The following CSGALNACT1 variants were observed in gnomAD, a reference collection of about 807,000 sequenced individuals.
CSGALNACT1 encodes the protein beta4GalNAcT-1.
A neutral mutation model predicts 51.0 loss-of-function variants in CSGALNACT1; 52 were observed. The observed-to-expected ratio is 1.02, with a 90% CI of 0.82 to 1.29. CSGALNACT1 has a LOEUF of 1.29. Ranked by LOEUF, CSGALNACT1 falls within the 50% of genes most tolerant of loss-of-function variation. CSGALNACT1 has a pLI of 0.00. For missense variants in CSGALNACT1, 935 were observed against 679.2 expected, an observed-to-expected ratio of 1.38 and a Z score of -4.19; for synonymous variants, 341 against 254.4, an observed-to-expected ratio of 1.34 and a Z score of -3.24.
At chr8:19,433,801 C>T (rs954924759) in intron 6 of CSGALNACT1, among the ~76,000 whole-genome samples, 2 of 152,210 alleles carry the variant, frequency 1.3e-5, no homozygotes, top group Admixed American at 1.3e-4. Context: ...TTTAGCTCTT[C>T]AGGTATCATT....
intron 1 of CSGALNACT1, among the ~76,000 whole-genome samples, chr8:19,715,770 A>G (rs2062771616): frequency 6.6e-6 from 1 of 151,738 alleles, no homozygotes; most frequent in Non-Finnish European, 1.5e-5. Context: ...TAAGGGTTTG[A>G]GTTGATCTAA....
chr8:19,407,111 G>T (rs556184801), intron 9 of CSGALNACT1, among the ~76,000 whole-genome samples: 1 of 152,284 alleles, frequency 6.6e-6, no homozygotes, highest in African/African-American at 2.4e-5. Context: ...TAGTTGTTGA[G>T]TGTCTGCAGG....
chr8:19,663,274 G>T (rs1719583260), intron 1 of CSGALNACT1, among the ~76,000 whole-genome samples: 1 of 152,006 alleles, frequency 6.6e-6, no homozygotes, highest in Non-Finnish European at 1.5e-5. Context: ...GTACTTAATT[G>T]TACCTGAGGT....
At chr8:19,719,545 G>C (rs1215128798) in intron 1 of CSGALNACT1, among the ~76,000 whole-genome samples, 3 of 152,210 alleles carry the variant, frequency 2.0e-5, no homozygotes, top group Non-Finnish European at 2.9e-5. Context: ...ACAAGACAAT[G>C]GATGCCAGGA....
rs138426730 is a variant in CSGALNACT1 at position 19,611,351 on chromosome 8, C to T, written c.-543-9486G>A. 8.4e-3 allele frequency among the ~76,000 whole-genome samples: 1,273 copies of T among 152,280 alleles called. 8 individuals carry two copies. The highest frequency in any genetic ancestry group is 0.012 in the Non-Finnish European group (827 of 68,024). On this transcript the variant is annotated intron_variant, in intron 1 of 9. Coordinates refer to the CSGALNACT1 transcript ENST00000332246. ...CTGGGATTAGAGGTGTGCACCACCA[C>T]ACCCGGTTTAAGGTTTGACAGAAAT...
intron 5 of CSGALNACT1, among the ~76,000 whole-genome samples, chr8:19,450,977 G>T (rs769465917): frequency 1.3e-5 from 2 of 151,986 alleles, no homozygotes; most frequent in African/African-American, 2.4e-5. Flanking sequence ...TAGCCCTACA[G>T]CACCAAGAAC....
At chr8:19,517,379 G>C (rs943157608) in intron 3 of CSGALNACT1, among the ~76,000 whole-genome samples, 2 of 152,174 alleles carry the variant, frequency 1.3e-5, no homozygotes, top group Admixed American at 1.3e-4. Context: ...GGCAGAGGTT[G>C]CCGTGAGCCG....
chr8:19,689,529 C>T (rs2061170386), intron 1 of CSGALNACT1, among the ~76,000 whole-genome samples: 1 of 152,198 alleles, frequency 6.6e-6, no homozygotes, highest in Admixed American at 6.5e-5. Flanking sequence ...GTTTGCTACA[C>T]AGCAATAAAT....
chr8:19,466,312 C>T (rs2066657195), intron 4 of CSGALNACT1, among the ~76,000 whole-genome samples: 1 of 152,138 alleles, frequency 6.6e-6, no homozygotes, highest in Non-Finnish European at 1.5e-5. Flanking sequence ...ATTTAATATA[C>T]TTCATCTTAG....
chr8:19,476,545 C>G (rs2153892795), intron 4 of CSGALNACT1, among the ~76,000 whole-genome samples: 1 of 152,128 alleles, frequency 6.6e-6, no homozygotes, highest in Non-Finnish European at 1.5e-5. Context: ...TCCAGCCTCC[C>G]CAATATTTTT....
chr8:19,596,768 TA>T (rs1236489178), intron 2 of CSGALNACT1, among the ~76,000 whole-genome samples: 2 of 152,250 alleles, frequency 1.3e-5, no homozygotes, highest in Non-Finnish European at 2.9e-5. Context: ...CAATTATTTT[TA>T]CTTTTAAAGG....
Position 19,618,003 on chromosome 8 carries a change from C to CA in CSGALNACT1, c.-543-16139dup, listed in dbSNP as rs2053266368. ...CAAGCAATCCTCCCACCTCAGCCCC[C>CA]AAGCAGCTAGGATTACAGGCCCTTG... On this transcript the variant is annotated intron_variant, in intron 1 of 9. Transcript: ENST00000332246. Among the ~76,000 whole-genome samples, 3 of 152,050 alleles carry CA rather than the reference C, an allele frequency of 2.0e-5. 1 individual carries two copies. In the South Asian group the frequency reaches 6.2e-4, roughly 32 times the overall value.
At chr8:19,406,623 TAAAAAAAAAAA>T (rs33985548) in intron 9 of CSGALNACT1, among the ~76,000 whole-genome samples, 3 of 72,148 alleles carry the variant, frequency 4.2e-5, no homozygotes, top group African/African-American at 5.9e-5. Context: ...AGAGGTTTCG[TAAAAAAAAAAA>T]AAAAAAAAAA....
At chr8:19,724,165 G>C (rs546734200) in intron 1 of CSGALNACT1, among the ~76,000 whole-genome samples, 1 of 152,272 alleles carries the variant, frequency 6.6e-6, no homozygotes, top group African/African-American at 2.4e-5. Context: ...CAGTTTCCCA[G>C]GGCTGCGACT....
chr8:19,429,667 G>C (rs926152152), intron 6 of CSGALNACT1, among the ~76,000 whole-genome samples: 4 of 152,216 alleles, frequency 2.6e-5, no homozygotes, highest in Non-Finnish European at 5.9e-5. Context: ...TGGATATTGT[G>C]AATAATGCAG....
chr8:19,437,773 C>A (rs959337890), intron 6 of CSGALNACT1, among the ~76,000 whole-genome samples: 2 of 152,158 alleles, frequency 1.3e-5, no homozygotes, highest in East Asian at 3.9e-4. Flanking sequence ...TAAACACCAA[C>A]CAACCTGGTC....
At chr8:19,425,856 C>G (rs955350356) in intron 6 of CSGALNACT1, among the ~76,000 whole-genome samples, 1 of 152,168 alleles carries the variant, frequency 6.6e-6, no homozygotes, top group Non-Finnish European at 1.5e-5. Context: ...TGCATCTACT[C>G]CTGCGAACAT....
intron 1 of CSGALNACT1, among the ~76,000 whole-genome samples, chr8:19,609,821 A>C (rs1490552709): frequency 6.6e-6 from 1 of 152,166 alleles, no homozygotes; most frequent in Non-Finnish European, 1.5e-5. Context: ...TAAATACGTG[A>C]GTTTATTGTG....
intron 4 of CSGALNACT1, among the ~76,000 whole-genome samples, chr8:19,487,016 A>C (rs1172528352): frequency 6.6e-6 from 1 of 152,210 alleles, no homozygotes; most frequent in Non-Finnish European, 1.5e-5. Flanking sequence ...GGCAAACAGA[A>C]ATCCTTTAGC....
Sources: gnomAD v4.1 joint callset for allele counts (sites outside exome capture counted in the v4.1 genomes callset) on GRCh38, gnomAD v4.1.1 for gene constraint, MANE v1.5 for transcripts, NCBI Gene and HGNC (gene_info 2026-07-23, HGNC 2026-07-21) for gene names.